The following FRK variants were observed in gnomAD, a reference collection of about 807,000 sequenced individuals.
The protein encoded by FRK is fyn related Src family tyrosine kinase, also known as tyrosine-protein kinase FRK.
FRK carries 51 observed loss-of-function variants against 56.4 expected under a neutral mutation model. The observed-to-expected ratio is 0.90, with a 90% CI of 0.72 to 1.14. FRK has a LOEUF of 1.14. FRK is among the 50% of genes most tolerant of loss of function. FRK has a pLI of 0.00. For synonymous variants in FRK, 245 were observed against 217.9 expected (o/e 1.12, Z -1.10); for missense variants, 570 against 601.4 (o/e 0.95, Z 0.55).
intron 2 of FRK, among the ~76,000 whole-genome samples, chr6:115,989,347 A>T (rs1457806666): frequency 1.3e-5 from 2 of 151,858 alleles, no homozygotes; most frequent in Non-Finnish European, 2.9e-5. Context: ...ATATTAATAT[A>T]TTGCATAATG....
chr6:116,012,806 C>T (rs1481499178), intron 1 of FRK, among the ~76,000 whole-genome samples: 1 of 152,128 alleles, frequency 6.6e-6, no homozygotes, highest in East Asian at 1.9e-4. Flanking sequence ...CTGCTATGGA[C>T]CAGTTGCAAC....
chr6:115,984,532 A>G (rs1398106457), intron 2 of FRK, among the ~76,000 whole-genome samples: 1 of 152,074 alleles, frequency 6.6e-6, no homozygotes, highest in East Asian at 1.9e-4. Context: ...CTATTGGCTC[A>G]ATAAGAGTTC....
chr6:116,015,011 G>A (rs1198959215), intron 1 of FRK, among the ~76,000 whole-genome samples: 1 of 151,944 alleles, frequency 6.6e-6, no homozygotes, highest in Non-Finnish European at 1.5e-5. Flanking sequence ...TTTCAATAAG[G>A]CCAAGTGTTT....
At position 116,003,885 on chromosome 6, in the gene FRK, G is replaced by A. The variant is rs769224017; in HGVS notation, c.458C>T (p.Ser153Phe). 8 of 1,613,392 alleles carry A rather than the reference G, an allele frequency of 5.0e-6. No individual in the cohort carries two copies. The highest frequency in any genetic ancestry group is 1.3e-5 in the African/African-American group (1 of 74,904). ...RESESQKGEF[S>F]LSVLDGAVVK... ...CAAAACAATACCCTTACCTGAAAGA[G>A]AGAATTCTCCTTTTTGGCTTTCACT... Residue 153 changes from serine to phenylalanine, a missense_variant, in exon 2 of 8, where the codon TCT (serine) becomes TTT (phenylalanine). Physicochemically the swap from Ser to Phe is radical, Grantham distance 155. Coordinates refer to ENST00000606080, the MANE Select transcript of FRK (RefSeq NM_002031.3).
chr6:115,948,566 T>C (rs1318664045), intron 5 of FRK, among the ~76,000 whole-genome samples: 1 of 152,230 alleles, frequency 6.6e-6, no homozygotes, highest in Non-Finnish European at 1.5e-5. Flanking sequence ...CCACCCTCAA[T>C]ATTGGTGTTT....
At chr6:116,010,998 C>A (rs1031170091) in intron 1 of FRK, among the ~76,000 whole-genome samples, 7 of 151,840 alleles carry the variant, frequency 4.6e-5, no homozygotes, top group Non-Finnish European at 1.0e-4. Context: ...CACCAGGTGG[C>A]AGTAGGCCAT....
At chr6:115,962,158 G>A (rs367755672) in intron 4 of FRK, among the ~76,000 whole-genome samples, 23 of 137,938 alleles carry the variant, frequency 1.7e-4, no homozygotes, top group East Asian at 6.3e-4. Flanking sequence ...CCCATCTCAC[G>A]TGCAGAGACA....
chr6:116,072,530 AACACACACACAC>A, the FRK span, among the ~76,000 whole-genome samples: 623 of 144,962 alleles, frequency 4.3e-3, 3 homozygotes, highest in Non-Finnish European at 6.5e-3. Context: ...AGGTTAAATA[AACACACACACAC>A]ACACACACAC....
At chr6:116,091,098 A>T in the FRK span, among the ~76,000 whole-genome samples, 1 of 152,214 alleles carries the variant, frequency 6.6e-6, no homozygotes, top group Non-Finnish European at 1.5e-5. Flanking sequence ...CAAAAGTGAG[A>T]GGTGAAGCCA....
intron 5 of FRK, among the ~76,000 whole-genome samples, chr6:115,952,603 C>T (rs1028900529): frequency 6.6e-6 from 1 of 151,638 alleles, no homozygotes; most frequent in African/African-American, 2.4e-5. Flanking sequence ...AATCATGCTG[C>T]TATAAAGACA....
chr6:116,032,480 C>T (rs997395694), intron 1 of FRK, among the ~76,000 whole-genome samples: 1 of 152,034 alleles, frequency 6.6e-6, no homozygotes, highest in African/African-American at 2.4e-5. Flanking sequence ...TCAAGATTCA[C>T]ATGGCAGGTT....
chr6:116,039,241 T>C, intron 1 of FRK: 1 of 1,491,518 alleles, frequency 6.7e-7, no homozygotes, highest in Non-Finnish European at 9.3e-7. Context: ...CGTCCTGGCC[T>C]GCGAGCCTGT....
In FRK at chr6:116,060,016, T is replaced by A. The variant is rs148022890; in HGVS notation, c.296A>T (p.Tyr99Phe). The A allele has an allele frequency of 5.4e-4, 878 of 1,614,174 alleles. 5 individuals are homozygous for A. The African/African-American group carries it at 9.9e-3, about 18-fold the overall frequency. The change falls in exon 1 of 8, where the codon TAT (tyrosine) becomes TTT (phenylalanine). Residue 99 changes from tyrosine to phenylalanine, a missense_variant. Coordinates refer to ENST00000606080, the MANE Select transcript of FRK (RefSeq NM_002031.3). ...CTCAGCCACGTAGTTAGAAGGAATA[T>A]AGCCTTGTAGTTGCTGACTGGAGCC... ...RDGSSQQLQGYIPSNYVAEDR... is the reference protein window; with the variant it reads ...RDGSSQQLQGFIPSNYVAEDR...
chr6:116,037,553 G>A (rs1029890881), intron 1 of FRK, among the ~76,000 whole-genome samples: 6 of 152,126 alleles, frequency 3.9e-5, no homozygotes, highest in Admixed American at 6.5e-5. Flanking sequence ...ATATTTGTCT[G>A]ACTTATTTCC....
chr6:115,944,229 C>A lies in FRK; in HGVS notation c.1140+15G>T, dbSNP rs561343225. On this transcript the variant is annotated intron_variant, in intron 6 of 7. Coordinates refer to ENST00000606080, the MANE Select transcript of FRK (RefSeq NM_002031.3). ...GACCTATTACAAAAACTAATTAAAA[C>A]AAAACTAAATCCACCTTAAAAACTC... The A allele has an allele frequency of 2.5e-6, 4 of 1,596,930 alleles. No individual in the cohort carries two copies. In the African/African-American group the frequency reaches 5.4e-5, roughly 22 times the overall value.
At chr6:116,049,392 A>G (rs1036164437) in intron 1 of FRK, among the ~76,000 whole-genome samples, 2 of 152,232 alleles carry the variant, frequency 1.3e-5, no homozygotes, top group Admixed American at 1.3e-4. Context: ...GAGTAAAACT[A>G]AATAAGACAG....
At chr6:116,023,158 A>G (rs756003438) in intron 1 of FRK, among the ~76,000 whole-genome samples, 2 of 152,226 alleles carry the variant, frequency 1.3e-5, no homozygotes, top group Non-Finnish European at 2.9e-5. Flanking sequence ...AATACCAAAT[A>G]TTGGCAAAGA....
At chr6:116,093,616 T>G in the FRK span, among the ~76,000 whole-genome samples, 2 of 152,234 alleles carry the variant, frequency 1.3e-5, no homozygotes, top group African/African-American at 4.8e-5. Flanking sequence ...ATCCCCAGTA[T>G]GGATCCCCAC....
At chr6:116,084,788 G>T in the FRK span, among the ~76,000 whole-genome samples, 396 of 152,282 alleles carry the variant, frequency 2.6e-3, 10 homozygotes, top group South Asian at 0.044. Flanking sequence ...TTTGATTGTG[G>T]TTTTTTCTAG....
Sources: gnomAD v4.1 joint callset for allele counts (sites outside exome capture counted in the v4.1 genomes callset) on GRCh38, gnomAD v4.1.1 for gene constraint, MANE v1.5 for transcripts, NCBI Gene and HGNC (gene_info 2026-07-23, HGNC 2026-07-21) for gene names.